The following PCDH11X variants were observed in gnomAD, a reference collection of about 807,000 sequenced individuals.
PCDH11X encodes protocadherin 11 X-linked, also known as protocadherin-11 X-linked.
PCDH11X carries 18 observed loss-of-function variants against 53.3 expected under a neutral mutation model. The ratio of observed to expected loss-of-function variants is 0.34; its 90% CI spans 0.23 to 0.50. The LOEUF is 0.50. PCDH11X is among the 20% of genes least tolerant of loss of function. The probability of loss-of-function intolerance (pLI) is 0.98; values close to 1 mark genes in which losing one functional copy is unlikely to be tolerated. For synonymous variants in PCDH11X, 279 were observed against 393.3 expected, an observed-to-expected ratio of 0.71 and a Z score of 3.44; for missense variants, 570 against 1,032.4, an observed-to-expected ratio of 0.55 and a Z score of 6.14.
At chrX:91,827,979 T>A (rs1936976048) in intron 4 of PCDH11X, among the ~76,000 whole-genome samples, 1 of 110,203 alleles carries the variant, frequency 9.1e-6, no homozygotes, top group African/African-American at 3.3e-5. Context: ...CTGTGAAGAG[T>A]GTCATTGGTA....
intron 6 of PCDH11X, among the ~76,000 whole-genome samples, chrX:92,165,983 C>T (rs893362489): frequency 8.1e-5 from 9 of 110,827 alleles, no homozygotes; most frequent in Non-Finnish European, 1.3e-4. Flanking sequence ...TAACTCTAGC[C>T]GAAGGGTATT....
intron 8 of PCDH11X, among the ~76,000 whole-genome samples, chrX:92,330,614 C>A (rs2148503329): frequency 1.8e-5 from 2 of 110,290 alleles, no homozygotes; most frequent in African/African-American, 6.6e-5. Flanking sequence ...CTTGTGCAGA[C>A]CCATTCATAG....
At chrX:92,016,583 A>T (rs1333899760) in intron 6 of PCDH11X, among the ~76,000 whole-genome samples, 1 of 74,754 alleles carries the variant, frequency 1.3e-5, no homozygotes, top group Non-Finnish European at 2.5e-5. Flanking sequence ...ACCTCTGCTA[A>T]CTTCATTTTT....
At chrX:92,384,272 G>T (rs1331709510) in intron 8 of PCDH11X, among the ~76,000 whole-genome samples, 1 of 109,546 alleles carries the variant, frequency 9.1e-6, no homozygotes, top group East Asian at 2.8e-4. Context: ...CATTCTGTAG[G>T]TTGCCGGCTC....
intron 7 of PCDH11X, among the ~76,000 whole-genome samples, chrX:92,208,193 T>TA (rs66614821): frequency 3.9e-4 from 33 of 85,288 alleles, no homozygotes; most frequent in African/African-American, 1.2e-3. Flanking sequence ...AGACTCCATC[T>TA]AAAAAAAAAA....
chrX:91,918,953 T>A (rs1296702493), intron 6 of PCDH11X, among the ~76,000 whole-genome samples: 1 of 111,379 alleles, frequency 9.0e-6, no homozygotes. Context: ...GTACTTTTCC[T>A]TGGGCAGTCT....
At chrX:92,247,742 A>G (rs1034879391) in intron 7 of PCDH11X, among the ~76,000 whole-genome samples, 1 of 111,847 alleles carries the variant, frequency 8.9e-6, no homozygotes, top group Non-Finnish European at 1.9e-5. Context: ...CGTTGGATCT[A>G]GGGATTCCTA....
At position 92,113,959 on chromosome X, in the gene PCDH11X, C is replaced by T. The variant is rs145120621; in HGVS notation, c.3034-87416C>T. ...GATGTATTTGGGAGATAGGTATCTC[C>T]GGTTAAGCATATCAAACACACAGCT... On this transcript the variant is annotated intron_variant, in intron 6 of 10. Coordinates refer to ENST00000682573, the MANE Select transcript of PCDH11X (RefSeq NM_032968.5). 1,127 of 1,205,679 alleles carry T rather than the reference C, an allele frequency of 9.3e-4. 2 individuals are homozygous for T. Among genetic ancestry groups the T allele is most frequent in the South Asian group, 7.7e-3 (435 of 56,272 alleles).
intron 7 of PCDH11X, among the ~76,000 whole-genome samples, chrX:92,256,687 A>C (rs780869436): frequency 5.2e-4 from 58 of 111,132 alleles, no homozygotes; most frequent in African/African-American, 1.9e-3. Flanking sequence ...TCCATTAGCT[A>C]TTCTTCTTGA....
At chrX:92,173,796 C>A (rs1023415490) in intron 6 of PCDH11X, among the ~76,000 whole-genome samples, 1 of 106,312 alleles carries the variant, frequency 9.4e-6, no homozygotes, top group Non-Finnish European at 1.9e-5. Flanking sequence ...CCAGCCTGGG[C>A]AACATGGAGA....
chrX:91,876,700 T>C (rs1939632255), intron 5 of PCDH11X, 81 bp from the exon 6 acceptor site: 18 of 918,769 alleles, frequency 2.0e-5, no homozygotes, highest in Middle Eastern at 4.5e-4. Flanking sequence ...TAAGTTAAAT[T>C]ATATTTTATT....
intron 9 of PCDH11X, among the ~76,000 whole-genome samples, chrX:92,388,275 T>C (rs1294454973): frequency 9.0e-6 from 1 of 111,476 alleles, no homozygotes; most frequent in East Asian, 2.8e-4. Flanking sequence ...TTTTTTCTTA[T>C]ATATAAAAAT....
chrX:92,579,965 C>T (rs1375640079), intron 10 of PCDH11X, among the ~76,000 whole-genome samples: 1 of 109,233 alleles, frequency 9.2e-6, no homozygotes, highest in Non-Finnish European at 1.9e-5. Context: ...TGTTTGCTTG[C>T]TTTTCTTTTA....
At chrX:92,398,820 A>G (rs1395961104) in intron 9 of PCDH11X, among the ~76,000 whole-genome samples, 1 of 110,437 alleles carries the variant, frequency 9.1e-6, no homozygotes, top group Non-Finnish European at 1.9e-5. Flanking sequence ...AGAATAATAA[A>G]AGCAGTTGCT....
At chrX:92,107,528 G>C (rs900449538) in intron 6 of PCDH11X, among the ~76,000 whole-genome samples, 64 of 111,608 alleles carry the variant, frequency 5.7e-4, no homozygotes, top group African/African-American at 1.9e-3. Flanking sequence ...CCTGAAGTCG[G>C]GAGTTCTAGA....
chrX:92,474,297 G>A (rs1362600752), intron 10 of PCDH11X, among the ~76,000 whole-genome samples: 1 of 110,492 alleles, frequency 9.1e-6, no homozygotes, highest in African/African-American at 3.3e-5. Context: ...TATTGGCATG[G>A]AATATCTTTT....
intron 8 of PCDH11X, among the ~76,000 whole-genome samples, chrX:92,295,116 G>A (rs1034534329): frequency 1.9e-5 from 2 of 104,241 alleles, no homozygotes; most frequent in African/African-American, 7.0e-5. Context: ...GAAAATCATC[G>A]TGAATAGTAA....
chrX:92,137,001 G>A (rs559150779), intron 6 of PCDH11X, among the ~76,000 whole-genome samples: 1 of 78,890 alleles, frequency 1.3e-5, no homozygotes, highest in South Asian at 6.5e-4. Context: ...TTTTTTTCTT[G>A]AGACAGAATC....
intron 8 of PCDH11X, among the ~76,000 whole-genome samples, chrX:92,276,916 G>A (rs1026101006): frequency 2.7e-5 from 3 of 111,418 alleles, no homozygotes; most frequent in Admixed American, 9.6e-5. Flanking sequence ...GGGATAAAGA[G>A]AAAGGAGCAT....
Sources: allele counts gnomAD v4.1 joint callset (sites outside exome capture counted in the v4.1 genomes callset), GRCh38; gene constraint gnomAD v4.1.1; transcripts MANE v1.5; gene names NCBI Gene and HGNC (gene_info 2026-07-23, HGNC 2026-07-21).